The following TMSB15B variants were observed in gnomAD, a reference collection of about 807,000 sequenced individuals.
TMSB15B encodes the protein thymosin beta 15B.
intron 1 of TMSB15B, among the ~76,000 whole-genome samples, chrX:103,952,675 TGTG>T (rs1556328489): frequency 8.9e-6 from 1 of 111,793 alleles, no homozygotes; most frequent in East Asian, 2.8e-4. Flanking sequence ...TTAGGATACT[TGTG>T]GTGACTGGCA....
intron 1 of TMSB15B, chrX:103,919,641 AAC>A (rs1473847893): frequency 8.9e-6 from 1 of 112,028 alleles, no homozygotes; most frequent in Admixed American, 9.4e-5. Flanking sequence ...ACCCCTTGCC[AAC>A]ACTCCTCTAT....
At chrX:103,941,260 T>G (rs2075011991) in intron 1 of TMSB15B, among the ~76,000 whole-genome samples, 1 of 112,461 alleles carries the variant, frequency 8.9e-6, no homozygotes, top group Non-Finnish European at 1.9e-5. Context: ...TGATGGACAC[T>G]TAGGTTGATT....
chrX:103,951,943 T>G (rs782132554), intron 1 of TMSB15B, among the ~76,000 whole-genome samples: 94 of 111,075 alleles, frequency 8.5e-4, no homozygotes, highest in Non-Finnish European at 1.5e-3. Flanking sequence ...GTCCCCAAAA[T>G]TACAGTGACA....
At chrX:103,932,044 C>G (rs1237411010) in intron 1 of TMSB15B, 1 of 112,148 alleles carries the variant, frequency 8.9e-6, no homozygotes, top group Non-Finnish European at 1.9e-5. Context: ...AGCCCCTTCC[C>G]CAGTACCTCA....
At chrX:103,927,906 G>T (rs1350842956) in intron 1 of TMSB15B, among the ~76,000 whole-genome samples, 8 of 111,903 alleles carry the variant, frequency 7.1e-5, no homozygotes, top group Admixed American at 1.9e-4. Context: ...AATGAATTCT[G>T]AATTTCTTAA....
chrX:103,923,901 C>G (rs1418548369), intron 1 of TMSB15B, among the ~76,000 whole-genome samples: 2 of 111,286 alleles, frequency 1.8e-5, no homozygotes, highest in Non-Finnish European at 3.8e-5. Context: ...TGTAATTCTC[C>G]TTGAAGAGGT....
intron 1 of TMSB15B, among the ~76,000 whole-genome samples, chrX:103,950,413 C>A (rs1213618101): frequency 9.1e-6 from 1 of 110,375 alleles, no homozygotes; most frequent in Non-Finnish European, 1.9e-5. Context: ...AAAGGATGAT[C>A]ATCTGGGGCT....
chrX:103,931,564 A>T (rs1348162412), intron 1 of TMSB15B: 3 of 112,322 alleles, frequency 2.7e-5, no homozygotes, highest in African/African-American at 9.7e-5. Flanking sequence ...AAATTCTTTT[A>T]AAAAAGACTG....
chrX:103,924,459 G>A (rs1449123358), intron 1 of TMSB15B, among the ~76,000 whole-genome samples: 2 of 111,665 alleles, frequency 1.8e-5, no homozygotes, highest in African/African-American at 3.3e-5. Flanking sequence ...GTCCCAGGTG[G>A]AATAAATTGC....
At chrX:103,928,205 T>A (rs1378526083) in intron 1 of TMSB15B, 1 of 1,192,170 alleles carries the variant, frequency 8.4e-7, no homozygotes, top group Admixed American at 2.2e-5. Flanking sequence ...TGGGGCTGTT[T>A]CCAACTCTAT....
chrX:103,929,893 G>T (rs1355398371), intron 1 of TMSB15B, among the ~76,000 whole-genome samples: 3 of 109,450 alleles, frequency 2.7e-5, no homozygotes, highest in African/African-American at 1.0e-4. Context: ...TATACTTTAA[G>T]TTTTAGGGTA....
rs574735410 is a variant in TMSB15B at position 103,926,192 on chromosome X, G to A, written c.-721+6900G>A. Reference sequence around the variant, plus strand: ...GAGGCTTAAGGCCATCATGGAATGCGGAGGAGGGGGAGGTGGTGATGGGCT... The same window carrying A: ...GAGGCTTAAGGCCATCATGGAATGCAGAGGAGGGGGAGGTGGTGATGGGCT... On this transcript the variant is annotated intron_variant, in intron 1 of 3. Coordinates refer to the TMSB15B transcript ENST00000419165. Among the ~76,000 whole-genome samples, 18 of 110,211 alleles carry A rather than the reference G, an allele frequency of 1.6e-4. No individual in the cohort carries two copies. The South Asian group carries it at 7.3e-3, about 45-fold the overall frequency.
intron 1 of TMSB15B, among the ~76,000 whole-genome samples, chrX:103,948,986 A>G (rs782411866): frequency 8.9e-6 from 1 of 111,816 alleles, no homozygotes; most frequent in South Asian, 3.8e-4. Context: ...ATTAAGTAGG[A>G]TGGTTCAGGT....
At chrX:103,921,113 A>G (rs782355103) in intron 1 of TMSB15B, among the ~76,000 whole-genome samples, 1 of 111,500 alleles carries the variant, frequency 9.0e-6, no homozygotes, top group Non-Finnish European at 1.9e-5. Flanking sequence ...CTTATTTACA[A>G]CCCCAAGATG....
chrX:103,925,284 C>T (rs1556318631), intron 1 of TMSB15B, among the ~76,000 whole-genome samples: 2 of 112,033 alleles, frequency 1.8e-5, no homozygotes, highest in African/African-American at 3.3e-5. Context: ...TATTCAGTCT[C>T]GGGTCTGTCT....
intron 1 of TMSB15B, among the ~76,000 whole-genome samples, chrX:103,951,463 A>T (rs2075039158): frequency 8.9e-6 from 1 of 111,957 alleles, no homozygotes; most frequent in Admixed American, 9.5e-5. Context: ...GAAGTTGCAA[A>T]ATAATAACTT....
intron 1 of TMSB15B, among the ~76,000 whole-genome samples, chrX:103,954,915 T>C (rs1556328897): frequency 9.0e-6 from 1 of 111,557 alleles, no homozygotes; most frequent in South Asian, 3.8e-4. Flanking sequence ...CACTTGGCTG[T>C]AGCTGCTGCA....
rs782731723 is a variant in TMSB15B at position 103,950,861 on chromosome X, A to T, written c.-720-11160A>T. Among the ~76,000 whole-genome samples the T allele has an allele frequency of 1.4e-4, 16 of 111,238 alleles. 1 individual carries two copies. The South Asian group carries it at 5.0e-3, about 35-fold the overall frequency. ...GTTGGGGGAGAGAAAGAAGGTAGTG[A>T]TATCATTCAGTTGATGGGAGAAGAA... On this transcript the variant is annotated intron_variant, in intron 1 of 3. Transcript: ENST00000419165.
chrX:103,940,800 G>A (rs1373154220), intron 1 of TMSB15B, among the ~76,000 whole-genome samples: 1 of 111,776 alleles, frequency 8.9e-6, no homozygotes, highest in Admixed American at 9.4e-5. Flanking sequence ...TGCCCAAACA[G>A]CCGCCCAGAT....
Sources: allele counts gnomAD v4.1 joint callset (sites outside exome capture counted in the v4.1 genomes callset), GRCh38; gene constraint gnomAD v4.1.1; transcripts MANE v1.5; gene names NCBI Gene and HGNC (gene_info 2026-07-23, HGNC 2026-07-21).